DTNB: variants seen among roughly 807,000 people sequenced by gnomAD.
The protein encoded by DTNB is dystrobrevin beta.
Under a neutral mutation model 90.7 loss-of-function variants are expected in DTNB, and 63 were observed. The observed-to-expected ratio is 0.69, with a 90% CI of 0.57 to 0.86. The LOEUF (loss-of-function observed/expected upper bound fraction) is 0.86. Among genes scored for constraint, DTNB ranks in the 40% least tolerant of loss-of-function variants. The pLI is 0.00. For missense variants in DTNB, 744 were observed against 807.1 expected, an observed-to-expected ratio of 0.92 and a Z score of 0.95; for synonymous variants, 277 against 286.7, an observed-to-expected ratio of 0.97 and a Z score of 0.34.
chr2:25,609,694 ACACACACACACAC>A (rs1423643249), intron 4 of DTNB, among the ~76,000 whole-genome samples: 7 of 151,264 alleles, frequency 4.6e-5, no homozygotes, highest in Non-Finnish European at 8.8e-5. Context: ...ACACACACAC[ACACACACACACAC>A]AAAATTAAAA....
intron 8 of DTNB, among the ~76,000 whole-genome samples, chr2:25,563,177 A>G (rs1559041254): frequency 2.0e-5 from 3 of 152,188 alleles, no homozygotes; most frequent in African/African-American, 7.2e-5. Context: ...CGTTGCCATA[A>G]CTTTTTCATC....
At chr2:25,411,367 A>G (rs34234907) in intron 16 of DTNB, among the ~76,000 whole-genome samples, 12,996 of 152,192 alleles carry the variant, frequency 0.085, 734 homozygotes, top group Middle Eastern at 0.13. Context: ...TTCAAAAAAA[A>G]AAAAGAAAAG....
intron 8 of DTNB, among the ~76,000 whole-genome samples, chr2:25,532,245 C>CAAAAAAA (rs11352371): frequency 4.0e-5 from 3 of 74,304 alleles, no homozygotes; most frequent in Non-Finnish European, 8.7e-5. Flanking sequence ...AACTCTGTCT[C>CAAAAAAA]AAAAAAAAAA....
At chr2:25,563,737 C>A (rs891219998) in intron 8 of DTNB, among the ~76,000 whole-genome samples, 2 of 152,066 alleles carry the variant, frequency 1.3e-5, no homozygotes, top group African/African-American at 4.8e-5. Context: ...ATGGTCATCA[C>A]CCTCATTGAA....
At chr2:25,649,442 C>G (rs554082860) in intron 2 of DTNB, among the ~76,000 whole-genome samples, 1 of 152,268 alleles carries the variant, frequency 6.6e-6, no homozygotes, top group African/African-American at 2.4e-5. Flanking sequence ...TGGCCAGGCA[C>G]GGTAGTTCAT....
chr2:25,396,041 G>A (rs1177229023), intron 16 of DTNB, among the ~76,000 whole-genome samples: 1 of 152,050 alleles, frequency 6.6e-6, no homozygotes, highest in Non-Finnish European at 1.5e-5. Context: ...ATCAACGAGT[G>A]GATAAAGAAA....
At chr2:25,398,733 C>A (rs1361028484) in intron 16 of DTNB, among the ~76,000 whole-genome samples, 1 of 152,152 alleles carries the variant, frequency 6.6e-6, no homozygotes, top group South Asian at 2.1e-4. Context: ...ACTACTCTCC[C>A]CCATGCTGTC....
intron 16 of DTNB, among the ~76,000 whole-genome samples, chr2:25,406,837 C>T (rs1452355447): frequency 6.6e-6 from 1 of 151,968 alleles, no homozygotes; most frequent in Non-Finnish European, 1.5e-5. Flanking sequence ...TCAAAGGGCC[C>T]AAGAATAGAC....
At chr2:25,553,937 CTTCCCT>C (rs1309832093) in intron 8 of DTNB, among the ~76,000 whole-genome samples, 1 of 151,950 alleles carries the variant, frequency 6.6e-6, no homozygotes, top group African/African-American at 2.4e-5. Flanking sequence ...ATAGCTTTGG[CTTCCCT>C]TTCGAGAAAA....
rs34508984 is a variant in DTNB at position 25,447,499 on chromosome 2, C to CTTT, written c.1257+4046_1257+4048dup. Reference sequence around the variant, plus strand: ...TTTCTGTGTGCTGGCAGCTAGTTATCTTTTTTTTTTTTTTTTTTTTTTGAG... The same window carrying CTTT: ...TTTCTGTGTGCTGGCAGCTAGTTATCTTTTTTTTTTTTTTTTTTTTTTTTTGAG... On this transcript the variant is annotated intron_variant, in intron 12 of 20. Transcript: ENST00000406818. Among the ~76,000 whole-genome samples the CTTT allele has an allele frequency of 1.5e-3, 170 of 115,988 alleles. 1 individual carries two copies. The highest frequency in any genetic ancestry group is 5.0e-3 in the Middle Eastern group (1 of 200). 76.1% of individuals were successfully genotyped at this position (115,988 alleles called of 152,430 possible).
chr2:25,595,807 C>T (rs1203131442), intron 6 of DTNB, among the ~76,000 whole-genome samples: 1 of 152,090 alleles, frequency 6.6e-6, no homozygotes, highest in South Asian at 2.1e-4. Flanking sequence ...AATATATGTC[C>T]TGTAGCAAAA....
intron 16 of DTNB, among the ~76,000 whole-genome samples, chr2:25,407,612 T>G (rs543066515): frequency 6.6e-6 from 1 of 152,254 alleles, no homozygotes; most frequent in East Asian, 1.9e-4. Context: ...GAATGGAATA[T>G]CTTTTGCAGC....
At chr2:25,563,699 T>C (rs1266578603) in intron 8 of DTNB, among the ~76,000 whole-genome samples, 1 of 152,172 alleles carries the variant, frequency 6.6e-6, no homozygotes, top group Non-Finnish European at 1.5e-5. Flanking sequence ...GCACCATATT[T>C]TGAAAAGACT....
chr2:25,632,823 G>A (rs1175280305), intron 3 of DTNB, among the ~76,000 whole-genome samples: 1 of 152,138 alleles, frequency 6.6e-6, no homozygotes, highest in Non-Finnish European at 1.5e-5. Context: ...TAAGACAAAT[G>A]TTATCTACAA....
rs567929202 is a variant in DTNB, at chr2:25,547,199, A to G, written c.877-15602T>C. 5.3e-5 allele frequency among the ~76,000 whole-genome samples: 8 copies of G among 152,106 alleles called. No individual in the cohort carries two copies. The East Asian group carries it at 5.8e-4, about 11-fold the overall frequency. On this transcript the variant is annotated intron_variant, in intron 8 of 20. Coordinates refer to ENST00000406818, the MANE Select transcript of DTNB (RefSeq NM_021907.5). ...GTTGAATTATTCTTGCATTTCCAGG[A>G]TAAGTGCTACTTGATAATGCTCAAA...
At chr2:25,540,306 T>A (rs1246433772) in intron 8 of DTNB, among the ~76,000 whole-genome samples, 1 of 152,238 alleles carries the variant, frequency 6.6e-6, no homozygotes, top group Non-Finnish European at 1.5e-5. Flanking sequence ...TATTTAAATC[T>A]TCTTTAATGT....
intron 16 of DTNB, among the ~76,000 whole-genome samples, chr2:25,389,381 C>T (rs2040450475): frequency 6.6e-6 from 1 of 152,240 alleles, no homozygotes; most frequent in South Asian, 2.1e-4. Context: ...ACATGCACTG[C>T]ACATGTACAG....
At chr2:25,549,845 G>A (rs1217354924) in intron 8 of DTNB, among the ~76,000 whole-genome samples, 1 of 151,922 alleles carries the variant, frequency 6.6e-6, no homozygotes, top group Admixed American at 6.6e-5. Context: ...ATTTTTTGTA[G>A]AGATGGGGTT....
At chr2:25,418,453 C>T (rs1238440410) in intron 16 of DTNB, among the ~76,000 whole-genome samples, 1 of 152,190 alleles carries the variant, frequency 6.6e-6, no homozygotes, top group Non-Finnish European at 1.5e-5. Context: ...GTAATCCCAG[C>T]ACTTTGGGAG....
Sources: allele counts gnomAD v4.1 joint callset (sites outside exome capture counted in the v4.1 genomes callset), GRCh38; gene constraint gnomAD v4.1.1; transcripts MANE v1.5; gene names NCBI Gene and HGNC (gene_info 2026-07-23, HGNC 2026-07-21).